The following PRPSAP2 variants were observed in gnomAD, a reference collection of about 807,000 sequenced individuals.
PRPSAP2 encodes the protein phosphoribosyl pyrophosphate synthase-associated protein 2.
A neutral mutation model predicts 40.6 loss-of-function variants in PRPSAP2; 24 were observed. The observed-to-expected ratio is 0.59, with a 90% CI of 0.43 to 0.83. PRPSAP2 has a LOEUF of 0.83. PRPSAP2 is among the 40% of genes least tolerant of loss of function. The pLI, the probability that PRPSAP2 is intolerant of heterozygous loss-of-function variation, is 0.00. For missense variants in PRPSAP2, 292 were observed against 465.6 expected (o/e 0.63, Z 3.43); for synonymous variants, 149 against 164.7 (o/e 0.90, Z 0.73).
intron 5 of PRPSAP2, among the ~76,000 whole-genome samples, chr17:18,875,114 T>A (rs1176196823): frequency 6.6e-6 from 1 of 152,180 alleles, no homozygotes; most frequent in Admixed American, 6.5e-5. Flanking sequence ...ATTCCTCTAA[T>A]CAGAATCACT....
At chr17:18,879,650 C>T (rs2038578735) in intron 6 of PRPSAP2, among the ~76,000 whole-genome samples, 1 of 151,766 alleles carries the variant, frequency 6.6e-6, no homozygotes, top group African/African-American at 2.4e-5. Context: ...GACGAGGTTT[C>T]ACCATGTTGG....
At chr17:18,919,564 A>G (rs2151966151) in intron 9 of PRPSAP2, among the ~76,000 whole-genome samples, 1 of 151,392 alleles carries the variant, frequency 6.6e-6, no homozygotes, top group East Asian at 1.9e-4. Context: ...GCTACTTGAG[A>G]GTGAGGTGAA....
chr17:18,922,237 T>A (rs1369532906), intron 9 of PRPSAP2, among the ~76,000 whole-genome samples: 1 of 152,266 alleles, frequency 6.6e-6, no homozygotes, highest in Non-Finnish European at 1.5e-5. Flanking sequence ...TTGGCTATGC[T>A]GCTCTGTATA....
chr17:18,920,523 T>A (rs895077247), intron 9 of PRPSAP2, among the ~76,000 whole-genome samples: 2 of 152,176 alleles, frequency 1.3e-5, no homozygotes, highest in Non-Finnish European at 2.9e-5. Context: ...CCTAAATATT[T>A]GATTGTTTTT....
At chr17:18,902,966 G>T (rs2040372342) in intron 8 of PRPSAP2, among the ~76,000 whole-genome samples, 1 of 151,924 alleles carries the variant, frequency 6.6e-6, no homozygotes, top group Non-Finnish European at 1.5e-5. Context: ...AGCCATCGTG[G>T]ATGTGGTGGT....
In PRPSAP2 at chr17:18,927,735, G is replaced by A. The variant is rs183394236; in HGVS notation, c.805-1076G>A. ...GACTGTCAAACTGTTTTCCAAAGTG[G>A]CTGTACCATTTTACTAGTAGGACTT... On this transcript the variant is annotated intron_variant, in intron 10 of 11. Coordinates refer to ENST00000268835, the MANE Select transcript of PRPSAP2 (RefSeq NM_002767.4). Among the ~76,000 whole-genome samples, 3 of 152,246 alleles carry A rather than the reference G, an allele frequency of 2.0e-5. No homozygotes were observed. The East Asian group carries it at 5.8e-4, about 29-fold the overall frequency.
chr17:18,865,771 G>A, intron 2 of PRPSAP2, 31 bp from the exon 3 acceptor site: 1 of 1,288,036 alleles, frequency 7.8e-7, no homozygotes, highest in South Asian at 2.8e-5. Context: ...ATATCATATG[G>A]CAGTTTTTAA....
chr17:18,878,553 T>A (rs1397635182), intron 6 of PRPSAP2, among the ~76,000 whole-genome samples: 3 of 151,732 alleles, frequency 2.0e-5, no homozygotes, highest in Non-Finnish European at 4.4e-5. Flanking sequence ...TATATGATTT[T>A]ATTTATTTAT....
At chr17:18,905,008 T>C (rs1039375655) in intron 8 of PRPSAP2, 5 of 152,144 alleles carry the variant, frequency 3.3e-5, no homozygotes, top group Non-Finnish European at 7.3e-5. Context: ...GTAATAATTT[T>C]ATTTATTTAT....
chr17:18,872,829 G>C (rs2037988819), intron 5 of PRPSAP2, among the ~76,000 whole-genome samples, 180 bp downstream of exon 5: 1 of 151,698 alleles, frequency 6.6e-6, no homozygotes, highest in South Asian at 2.1e-4. Context: ...TGTTCTTTCA[G>C]TGTTTTTCCT....
intron 8 of PRPSAP2, among the ~76,000 whole-genome samples, chr17:18,892,727 G>GTGTGTGTGTTTGTT (rs60288281): frequency 1.3e-4 from 17 of 126,702 alleles, no homozygotes; most frequent in South Asian, 2.5e-4. Context: ...GTGTGTGTGT[G>GTGTGTGTGTTTGTT]TATTTATTTA....
intron 7 of PRPSAP2, among the ~76,000 whole-genome samples, chr17:18,884,759 C>T (rs2039007392): frequency 6.6e-6 from 1 of 152,142 alleles, no homozygotes; most frequent in Non-Finnish European, 1.5e-5. Context: ...GAGCATTGAA[C>T]GTGGTTCAGT....
At chr17:18,902,487 ATGT>A (rs72244320) in intron 8 of PRPSAP2, among the ~76,000 whole-genome samples, 5,044 of 152,176 alleles carry the variant, frequency 0.033, 280 homozygotes, top group African/African-American at 0.12. Flanking sequence ...GTTCCACCAA[ATGT>A]TGTTTCCTTG....
At chr17:18,861,650 A>G (rs1597497847) in intron 1 of PRPSAP2, among the ~76,000 whole-genome samples, 1 of 152,096 alleles carries the variant, frequency 6.6e-6, no homozygotes. Context: ...CTATATCTGA[A>G]GTCTAGAACG....
intron 6 of PRPSAP2, among the ~76,000 whole-genome samples, chr17:18,879,624 T>C (rs1339448685): frequency 6.6e-6 from 1 of 151,982 alleles, no homozygotes; most frequent in Non-Finnish European, 1.5e-5. Context: ...TGGCTAATTT[T>C]TGTATTTTTA....
chr17:18,903,827 T>C (rs541949866), intron 8 of PRPSAP2, among the ~76,000 whole-genome samples: 4 of 152,210 alleles, frequency 2.6e-5, no homozygotes, highest in Non-Finnish European at 5.9e-5. Flanking sequence ...TTATATCCCG[T>C]AGCTATGTGG....
intron 8 of PRPSAP2, among the ~76,000 whole-genome samples, chr17:18,897,453 G>GTGTTGTTGTTGT (rs11271940): frequency 0.065 from 9,778 of 150,558 alleles, 430 homozygotes; most frequent in Middle Eastern, 0.11. Flanking sequence ...CTCTATAGTG[G>GTGTTGTTGTTGT]TGTTGTTGTT....
chr17:18,929,358 A>AAATAATAATAATAATAAT (rs60559123), intron 11 of PRPSAP2, among the ~76,000 whole-genome samples: 123 of 144,770 alleles, frequency 8.5e-4, no homozygotes, highest in African/African-American at 2.8e-3. Context: ...CTCTTGTCTC[A>AAATAATAATAATAATAAT]AATAATAATA....
rs1355576090 is a variant in PRPSAP2, at chr17:18,930,857, G to C, written c.*159G>C. 1.8e-6 allele frequency: 1 copy of C among 556,236 alleles called. No individual in the cohort carries two copies. The highest frequency in any genetic ancestry group is 3.2e-5 in the East Asian group (1 of 30,808). 34.5% of individuals were successfully genotyped at this position (556,236 alleles called of 1,614,324 possible). Reference sequence around the variant, plus strand: ...GAAGATAGACCAACTTTTTATGTCGGTTTGGGTGTTTGTGAGTTTGGGGAG... The same window carrying C: ...GAAGATAGACCAACTTTTTATGTCGCTTTGGGTGTTTGTGAGTTTGGGGAG... On this transcript the variant is annotated 3_prime_UTR_variant, in exon 12 of 12. Transcript: ENST00000268835.
Sources: gnomAD v4.1 joint callset for allele counts (sites outside exome capture counted in the v4.1 genomes callset) on GRCh38, gnomAD v4.1.1 for gene constraint, MANE v1.5 for transcripts, NCBI Gene and HGNC (gene_info 2026-07-23, HGNC 2026-07-21) for gene names.